The following OTOGL variants were observed in gnomAD, a reference collection of about 807,000 sequenced individuals.
OTOGL encodes otogelin-like protein.
In OTOGL, 285 loss-of-function variants were observed where a neutral mutation model predicts 318.5. The ratio of observed to expected loss-of-function variants is 0.89; its 90% CI spans 0.81 to 0.99. The LOEUF (loss-of-function observed/expected upper bound fraction) is 0.99, where lower values mean the gene tolerates loss of function less well. OTOGL is among the 50% of genes least tolerant of loss of function. The pLI is 0.00. For synonymous variants in OTOGL, 987 were observed against 936.5 expected (o/e 1.05, Z -0.99); for missense variants, 2,899 against 2,845.6 (o/e 1.02, Z -0.43).
chr12:80,269,942 T>C (rs578112460), intron 22 of OTOGL, among the ~76,000 whole-genome samples, 160 bp from the exon 23 acceptor site: 1 of 152,038 alleles, frequency 6.6e-6, no homozygotes, highest in African/African-American at 2.4e-5. Context: ...GTTCCTGAAA[T>C]TGGACCTAAC....
At chr12:80,100,865 A>G (rs974900703) in intron 1 of OTOGL, among the ~76,000 whole-genome samples, 1 of 151,190 alleles carries the variant, frequency 6.6e-6, no homozygotes, top group Non-Finnish European at 1.5e-5. Context: ...TTTTTTTCCC[A>G]TGTGTTTCCC....
chr12:80,243,415 C>G (rs1880550598), intron 11 of OTOGL, among the ~76,000 whole-genome samples: 1 of 151,742 alleles, frequency 6.6e-6, no homozygotes, highest in Non-Finnish European at 1.5e-5. Context: ...AAAAACTAAG[C>G]AAAATTTTTA....
rs548873087 is a variant in OTOGL at position 80,250,185 on chromosome 12, G to A, written c.1053-1508G>A. ...TGTTCCTATTCGGCCATCTTGGCTCGAGAGTCTGAAAACCAAGATTCTTTA... is the reference window on the plus strand; with the variant it reads ...TGTTCCTATTCGGCCATCTTGGCTCAAGAGTCTGAAAACCAAGATTCTTTA... On this transcript the variant is annotated intron_variant, in intron 11 of 58. Coordinates refer to ENST00000547103, the MANE Select transcript of OTOGL (RefSeq NM_001378609.3). 1.1e-3 allele frequency among the ~76,000 whole-genome samples: 163 copies of A among 152,076 alleles called. 2 individuals are homozygous for A. The highest frequency in any genetic ancestry group is 3.3e-3 in the East Asian group (17 of 5,182).
chr12:80,237,167 A>G lies in OTOGL; in HGVS notation c.818-1684A>G, dbSNP rs140679587. Among the ~76,000 whole-genome samples, 1,260 of 152,136 alleles carry G rather than the reference A, an allele frequency of 8.3e-3. 8 individuals are homozygous for G. Among genetic ancestry groups the G allele is most frequent in the Middle Eastern group, 0.017 (5 of 294 alleles). The stretch of plus-strand genomic sequence containing the variant: ...TTTAATAAATTTCACAAATTCCCCT[A>G]TATGTATTCATTCACTTATTTAGCA... On this transcript the variant is annotated intron_variant, in intron 9 of 58. Coordinates refer to ENST00000547103, the MANE Select transcript of OTOGL (RefSeq NM_001378609.3).
At chr12:80,143,314 T>C (rs1383105008) in intron 1 of OTOGL, among the ~76,000 whole-genome samples, 1 of 152,110 alleles carries the variant, frequency 6.6e-6, no homozygotes, top group African/African-American at 2.4e-5. Flanking sequence ...TTCTTGGGTT[T>C]CCAATAAGGG....
At chr12:80,330,483 G>C (rs10778726) in intron 37 of OTOGL, among the ~76,000 whole-genome samples, 81,585 of 151,930 alleles carry the variant, frequency 0.54, 23,217 homozygotes, top group East Asian at 0.73. Context: ...AGGGGAATAA[G>C]TCTATGAAAT....
At chr12:80,220,006 GT>G in intron 6 of OTOGL, 94 bp downstream of exon 6, 1 of 895,232 alleles carries the variant, frequency 1.1e-6, no homozygotes, top group Non-Finnish European at 1.7e-6. Context: ...ATTGGGAGTT[GT>G]ATATTAACTA....
chr12:80,377,507 T>C (rs1181746607), intron 58 of OTOGL, among the ~76,000 whole-genome samples: 2 of 152,176 alleles, frequency 1.3e-5, no homozygotes, highest in Non-Finnish European at 2.9e-5. Context: ...CTTCTAACTT[T>C]GTCCCTTTTA....
intron 52 of OTOGL, among the ~76,000 whole-genome samples, chr12:80,361,576 C>T (rs1890241255): frequency 6.6e-6 from 1 of 152,074 alleles, no homozygotes; most frequent in Non-Finnish European, 1.5e-5. Context: ...TTCATAATGA[C>T]TATGCTAATT....
chr12:80,236,312 A>T (rs1257456323), intron 9 of OTOGL, among the ~76,000 whole-genome samples: 1 of 152,188 alleles, frequency 6.6e-6, no homozygotes, highest in Non-Finnish European at 1.5e-5. Flanking sequence ...CTCTCTCAAA[A>T]ATGTCCCAAT....
chr12:80,198,410 C>T (rs1410174946), intron 1 of OTOGL, among the ~76,000 whole-genome samples: 1 of 152,100 alleles, frequency 6.6e-6, no homozygotes, highest in Non-Finnish European at 1.5e-5. Context: ...CATGGTGAAA[C>T]CCCATCTCTA....
intron 1 of OTOGL, among the ~76,000 whole-genome samples, chr12:80,168,806 A>G (rs57362592): frequency 0.053 from 8,002 of 152,270 alleles, 285 homozygotes; most frequent in East Asian, 0.19. Context: ...GAGTTGAGAA[A>G]CTAGTTTCTA....
chr12:80,175,366 T>C (rs1373328763), intron 1 of OTOGL, among the ~76,000 whole-genome samples: 1 of 152,160 alleles, frequency 6.6e-6, no homozygotes, highest in Non-Finnish European at 1.5e-5. Context: ...CGAAATTACA[T>C]AATATAAAGC....
intron 11 of OTOGL, among the ~76,000 whole-genome samples, chr12:80,244,579 A>T (rs1313034206): frequency 2.0e-5 from 3 of 149,438 alleles, no homozygotes; most frequent in East Asian, 3.9e-4. Context: ...ATTGTTGGAC[A>T]TTTGGGTTGG....
intron 8 of OTOGL, among the ~76,000 whole-genome samples, chr12:80,232,161 C>T (rs1351042592): frequency 6.6e-6 from 1 of 152,074 alleles, no homozygotes; most frequent in Non-Finnish European, 1.5e-5. Flanking sequence ...GACTTTGTAT[C>T]AGGAGCTTAA....
chr12:80,130,283 A>G, intron 1 of OTOGL, among the ~76,000 whole-genome samples: 1 of 152,234 alleles, frequency 6.6e-6, no homozygotes, highest in East Asian at 1.9e-4. Flanking sequence ...AATTAGACAG[A>G]CAAATTGTTC....
chr12:80,125,974 T>C (rs969436274), intron 1 of OTOGL, among the ~76,000 whole-genome samples: 5 of 152,306 alleles, frequency 3.3e-5, no homozygotes, highest in African/African-American at 1.2e-4. Flanking sequence ...ATTTTGTTGA[T>C]CTTTTCAAAA....
At chr12:80,374,277 T>C (rs1176967523) in intron 57 of OTOGL, among the ~76,000 whole-genome samples, 2 of 152,130 alleles carry the variant, frequency 1.3e-5, no homozygotes, top group African/African-American at 4.8e-5. Context: ...ACTTTTTACA[T>C]GAACACCAGT....
At chr12:80,166,631 A>G (rs1873849208) in intron 1 of OTOGL, among the ~76,000 whole-genome samples, 1 of 152,230 alleles carries the variant, frequency 6.6e-6, no homozygotes. Context: ...ACTCTGCTCC[A>G]TAAAATTAAC....
Sources: allele counts gnomAD v4.1 joint callset (sites outside exome capture counted in the v4.1 genomes callset), GRCh38; gene constraint gnomAD v4.1.1; transcripts MANE v1.5; gene names NCBI Gene and HGNC (gene_info 2026-07-23, HGNC 2026-07-21).